COL27A1: variants seen among roughly 807,000 people sequenced by gnomAD.
COL27A1 encodes collagen type XXVII alpha 1 chain, also known as collagen alpha-1(XXVII) chain.
In COL27A1, 106 loss-of-function variants were observed where a neutral mutation model predicts 251.3. The ratio of observed to expected loss-of-function variants is 0.42; its 90% confidence interval spans 0.36 to 0.50. The LOEUF (loss-of-function observed/expected upper bound fraction) is 0.50, where lower values mean the gene tolerates loss of function less well. Among genes scored for constraint, COL27A1 ranks in the 20% least tolerant of loss-of-function variants. The pLI, the probability that COL27A1 is intolerant of heterozygous loss-of-function variation, is 0.00. For synonymous variants in COL27A1, 1,000 were observed against 986.3 expected, an observed-to-expected ratio of 1.01 and a Z score of -0.26; for missense variants, 2,325 against 2,522.8, an observed-to-expected ratio of 0.92 and a Z score of 1.68.
chr9:114,240,623 T>A, intron 21 of COL27A1, 136 bp downstream of exon 21: 1 of 757,026 alleles, frequency 1.3e-6, no homozygotes, highest in Non-Finnish European at 2.1e-6. Flanking sequence ...TTCCCCAGAC[T>A]TACCCACCAG....
At chr9:114,182,925 C>A in intron 4 of COL27A1, 97 bp from the exon 5 acceptor site, 6 of 1,054,666 alleles carry the variant, frequency 5.7e-6, no homozygotes, top group Non-Finnish European at 8.7e-6. Flanking sequence ...GAAGATAAAC[C>A]AGTGGGTGGA....
At chr9:114,196,792 G>T (rs1829167434) in intron 7 of COL27A1, among the ~76,000 whole-genome samples, 1 of 152,108 alleles carries the variant, frequency 6.6e-6, no homozygotes, top group African/African-American at 2.4e-5. Context: ...CCTGGGTAGT[G>T]GGTCTGTAAC....
At chr9:114,310,500 G>A (rs1409041011) in intron 60 of COL27A1, 49 bp from the exon 61 acceptor site, 1 of 1,605,814 alleles carries the variant, frequency 6.2e-7, no homozygotes, top group Admixed American at 1.7e-5. Flanking sequence ...CATGATGTAT[G>A]ATAAGAATCA....
chr9:114,171,831 T>A (rs1165164929), intron 3 of COL27A1, among the ~76,000 whole-genome samples: 1 of 152,124 alleles, frequency 6.6e-6, no homozygotes, highest in Non-Finnish European at 1.5e-5. Context: ...CGGTGTCTCC[T>A]TTAGGACCTC....
At chr9:114,194,911 G>GGCTCCCTAACTCTGA (rs1376255785) in intron 6 of COL27A1, among the ~76,000 whole-genome samples, 1 of 152,162 alleles carries the variant, frequency 6.6e-6, no homozygotes, top group Non-Finnish European at 1.5e-5. Context: ...AGAGATTCAG[G>GGCTCCCTAACTCTGA]GCTCCCTAAC....
Position 114,286,013 on chromosome 9 carries a change from G to T in COL27A1, c.3987+1236G>T, listed in dbSNP as rs1362956304. 1.3e-5 allele frequency among the ~76,000 whole-genome samples: 2 copies of T among 152,206 alleles called. 1 individual carries two copies. Among genetic ancestry groups the T allele is most frequent in the Non-Finnish European group, 2.9e-5 (2 of 68,036 alleles). ...AGAGGTCAAGGTGGGGGCAGAACAT[G>T]TTCATCAGCCAGATGCCTTTTCTCA... is the stretch of plus-strand genomic sequence containing the variant. On this transcript the variant is annotated intron_variant, in intron 41 of 60. Coordinates refer to ENST00000356083, the MANE Select transcript of COL27A1 (RefSeq NM_032888.4).
chr9:114,189,192 C>A (rs1828585997), intron 5 of COL27A1, among the ~76,000 whole-genome samples: 1 of 152,120 alleles, frequency 6.6e-6, no homozygotes, highest in Admixed American at 6.5e-5. Context: ...TTCATAAAAT[C>A]ATTTGTACTC....
chr9:114,168,524 A>G lies in COL27A1; in HGVS notation c.969A>G (p.Leu323=). The change falls in exon 3 of 61, where the codon CTA becomes CTG. Residue 323 remains leucine, a synonymous_variant. Coordinates refer to ENST00000356083, the MANE Select transcript of COL27A1 (RefSeq NM_032888.4). The part of the protein sequence containing the change: ...AVGGPAQTPL[L]PAKLSASNAL... ...GAGGCCCAGCCCAAACCCCGCTGCT[A>G]CCTGCCAAGCTGTCAGCCAGTAACG... 6.2e-7 allele frequency: 1 copy of G among 1,613,878 alleles called. No homozygotes were observed. The highest frequency in any genetic ancestry group is 8.5e-7 in the Non-Finnish European group (1 of 1,179,866).
intron 37 of COL27A1, among the ~76,000 whole-genome samples, chr9:114,278,472 G>A (rs1358094480): frequency 6.9e-6 from 1 of 145,918 alleles, no homozygotes; most frequent in East Asian, 2.1e-4. Context: ...TGGTGGTGAT[G>A]GTGGTGGTGA....
intron 1 of COL27A1, among the ~76,000 whole-genome samples, chr9:114,160,521 C>T (rs1848428852): frequency 6.6e-6 from 1 of 151,952 alleles, no homozygotes; most frequent in African/African-American, 2.4e-5. Flanking sequence ...ATATACTGGA[C>T]ACTTCCTGTG....
intron 13 of COL27A1, among the ~76,000 whole-genome samples, chr9:114,221,872 G>A (rs1831132804): frequency 6.6e-6 from 1 of 152,206 alleles, no homozygotes; most frequent in African/African-American, 2.4e-5. Context: ...TTAACCTCTG[G>A]AGCTTCAGTT....
In COL27A1 at chr9:114,258,904, G is replaced by A. The variant is rs374968841; in HGVS notation, c.3195+310G>A. Among the ~76,000 whole-genome samples the A allele has an allele frequency of 2.6e-4, 40 of 152,304 alleles. 1 individual carries two copies. The East Asian group carries it at 3.7e-3, about 14-fold the overall frequency. On this transcript the variant is annotated intron_variant, in intron 28 of 60. Transcript: ENST00000356083. ...CACCTACTGTCTGGCGGACACTGTT[G>A]GAGGCTCTACAGGTATAGTGGTGAA...
chr9:114,204,300 G>T (rs1174064379), intron 7 of COL27A1, among the ~76,000 whole-genome samples: 2 of 152,182 alleles, frequency 1.3e-5, no homozygotes, highest in African/African-American at 4.8e-5. Flanking sequence ...TGGCTACCCT[G>T]TGCACAATGG....
intron 19 of COL27A1, among the ~76,000 whole-genome samples, chr9:114,238,050 T>C (rs535013715): frequency 6.6e-6 from 1 of 152,158 alleles, no homozygotes; most frequent in East Asian, 1.9e-4. Flanking sequence ...CCACTCAGAG[T>C]TCCCTCTCCA....
chr9:114,216,226 C>T (rs1278423377), intron 12 of COL27A1, among the ~76,000 whole-genome samples: 4 of 152,210 alleles, frequency 2.6e-5, no homozygotes, highest in African/African-American at 7.2e-5. Context: ...CAGAGGGGCC[C>T]GACCTGGGAA....
chr9:114,260,296 G>A (rs973210131), intron 28 of COL27A1, among the ~76,000 whole-genome samples: 1 of 152,208 alleles, frequency 6.6e-6, no homozygotes, highest in South Asian at 2.1e-4. Flanking sequence ...TCAGGAACAT[G>A]AGCCCCTCTC....
In COL27A1 at chr9:114,310,835, C is replaced by T; in HGVS notation, c.*140C>T. 2.5e-6 allele frequency: 2 copies of T among 803,670 alleles called. No homozygotes were observed. The highest frequency in any genetic ancestry group is 1.8e-5 in the South Asian group (1 of 54,932). The allele number at this position is 803,670 out of a possible 1,614,324, so 49.8% of individuals were successfully genotyped here. Reference sequence around the variant, plus strand: ...TTGGGCAGACCCCAGCTGTTGTCTGCCCAGTAGAAGTGGGTGGGGGTAGGA... The same window carrying T: ...TTGGGCAGACCCCAGCTGTTGTCTGTCCAGTAGAAGTGGGTGGGGGTAGGA... On this transcript the variant is annotated 3_prime_UTR_variant, in exon 61 of 61. Coordinates refer to ENST00000356083, the MANE Select transcript of COL27A1 (RefSeq NM_032888.4).
At chr9:114,191,185 G>A (rs1828722397) in intron 5 of COL27A1, among the ~76,000 whole-genome samples, 2 of 152,156 alleles carry the variant, frequency 1.3e-5, no homozygotes, top group Admixed American at 1.3e-4. Context: ...TTCATCTGCA[G>A]TATATCAAAA....
At chr9:114,232,412 T>C (rs1832029221) in intron 16 of COL27A1, among the ~76,000 whole-genome samples, 1 of 152,108 alleles carries the variant, frequency 6.6e-6, no homozygotes, top group Non-Finnish European at 1.5e-5. Flanking sequence ...AAACCAGAGT[T>C]GGAAGTGGGA....
Sources: gnomAD v4.1 joint callset for allele counts (sites outside exome capture counted in the v4.1 genomes callset) on GRCh38, gnomAD v4.1.1 for gene constraint, MANE v1.5 for transcripts, NCBI Gene and HGNC (gene_info 2026-07-23, HGNC 2026-07-21) for gene names.